The following GALNTL6 variants were observed in gnomAD, a reference collection of about 807,000 sequenced individuals.
The protein encoded by GALNTL6 is polypeptide N-acetylgalactosaminyltransferase like 6.
A neutral mutation model predicts 73.7 loss-of-function variants in GALNTL6; 46 were observed. The ratio of observed to expected loss-of-function variants is 0.62; its 90% CI spans 0.49 to 0.80. The LOEUF is 0.80. Ranked by LOEUF, GALNTL6 falls within the 30% of genes least tolerant of loss-of-function variation. The pLI, the probability that GALNTL6 is intolerant of heterozygous loss-of-function variation, is 0.00. For missense variants in GALNTL6, 604 were observed against 755.0 expected (o/e 0.80, Z 2.34); for synonymous variants, 259 against 263.7 (o/e 0.98, Z 0.17).
At chr4:172,443,383 C>T (rs1731910871) in intron 5 of GALNTL6, among the ~76,000 whole-genome samples, 1 of 151,536 alleles carries the variant, frequency 6.6e-6, no homozygotes, top group African/African-American at 2.4e-5. Context: ...CCAGGCTGGT[C>T]TTGATCTCCT....
chr4:172,109,188 T>C (rs1732779021), intron 2 of GALNTL6, among the ~76,000 whole-genome samples: 1 of 152,212 alleles, frequency 6.6e-6, no homozygotes, highest in Non-Finnish European at 1.5e-5. Flanking sequence ...AGATTTTGTC[T>C]CTTTTAGTTC....
chr4:172,065,685 A>T (rs1248832982), intron 2 of GALNTL6, among the ~76,000 whole-genome samples: 1 of 152,060 alleles, frequency 6.6e-6, no homozygotes, highest in African/African-American at 2.4e-5. Flanking sequence ...GTCCATTCTC[A>T]CGCTGCTATG....
chr4:171,857,759 T>C (rs559708669), intron 2 of GALNTL6, among the ~76,000 whole-genome samples: 2 of 152,326 alleles, frequency 1.3e-5, no homozygotes, highest in Admixed American at 1.3e-4. Flanking sequence ...AATCTAAGGT[T>C]ACAGTAAATT....
intron 10 of GALNTL6, among the ~76,000 whole-genome samples, chr4:173,004,794 C>T (rs1188948564): frequency 6.6e-6 from 1 of 152,166 alleles, no homozygotes; most frequent in Non-Finnish European, 1.5e-5. Flanking sequence ...CCATCAGGTG[C>T]ACAAAGGATA....
rs145769744 is a variant in GALNTL6, at chr4:172,344,363, A to G, written c.387-4160A>G. Reference sequence around the variant, plus strand: ...AATGCCTGAGCTTGGCAGTGATTCAATTTTTCTTTGGAGCAGCTCAAGTGC... The same window carrying G: ...AATGCCTGAGCTTGGCAGTGATTCAGTTTTTCTTTGGAGCAGCTCAAGTGC... On this transcript the variant is annotated intron_variant, in intron 4 of 12. Coordinates refer to ENST00000506823, the MANE Select transcript of GALNTL6 (RefSeq NM_001034845.3). 4.2e-3 allele frequency among the ~76,000 whole-genome samples: 643 copies of G among 152,234 alleles called. 4 individuals carry two copies. Among genetic ancestry groups the G allele is most frequent in the South Asian group, 0.016 (79 of 4,828 alleles).
chr4:172,181,874 C>T (rs1379363475), intron 2 of GALNTL6, among the ~76,000 whole-genome samples: 1 of 151,890 alleles, frequency 6.6e-6, no homozygotes, highest in Non-Finnish European at 1.5e-5. Flanking sequence ...CACCACCACG[C>T]CCGGCTAATT....
chr4:172,280,069 G>T (rs1181798971), intron 3 of GALNTL6, among the ~76,000 whole-genome samples: 1 of 152,140 alleles, frequency 6.6e-6, no homozygotes, highest in Non-Finnish European at 1.5e-5. Flanking sequence ...GTAATTGTCA[G>T]GTACTAGGGG....
At chr4:172,172,267 G>A (rs980814865) in intron 2 of GALNTL6, among the ~76,000 whole-genome samples, 7 of 151,976 alleles carry the variant, frequency 4.6e-5, no homozygotes, top group African/African-American at 9.7e-5. Flanking sequence ...GTGCGATCTC[G>A]GCTCACTGCA....
intron 3 of GALNTL6, among the ~76,000 whole-genome samples, chr4:172,293,937 A>C (rs1025868326): frequency 2.0e-5 from 3 of 151,416 alleles, no homozygotes; most frequent in Admixed American, 2.0e-4. Context: ...CATTTGTGAT[A>C]TCTAAAAGCC....
At chr4:172,206,814 G>GTTTTTTT (rs796625697) in intron 2 of GALNTL6, among the ~76,000 whole-genome samples, 9 of 57,994 alleles carry the variant, frequency 1.6e-4, no homozygotes, top group African/African-American at 4.5e-4. Context: ...TGTTTTTTTT[G>GTTTTTTT]TTTGTTTTTT....
chr4:172,255,919 A>C (rs967697066), intron 3 of GALNTL6, among the ~76,000 whole-genome samples: 1 of 151,506 alleles, frequency 6.6e-6, no homozygotes, highest in African/African-American at 2.4e-5. Flanking sequence ...TCCATTTTTA[A>C]ACTAATATTT....
intron 3 of GALNTL6, among the ~76,000 whole-genome samples, chr4:172,278,504 CCCTCCTGGTCA>C (rs1284514499): frequency 2.0e-4 from 31 of 152,004 alleles, no homozygotes; most frequent in African/African-American, 7.2e-4. Flanking sequence ...ATCCTGGGTC[CCCTCCTGGTCA>C]TCATCCTGGG....
intron 2 of GALNTL6, among the ~76,000 whole-genome samples, chr4:172,160,124 A>C (rs1338259702): frequency 1.3e-5 from 2 of 151,958 alleles, no homozygotes; most frequent in East Asian, 3.9e-4. Context: ...GTGCTGAAAG[A>C]TACATCAATA....
At chr4:172,394,151 A>G (rs1276087649) in intron 5 of GALNTL6, among the ~76,000 whole-genome samples, 1 of 152,104 alleles carries the variant, frequency 6.6e-6, no homozygotes, top group Non-Finnish European at 1.5e-5. Context: ...TATAATTACT[A>G]ATTATAATTA....
intron 5 of GALNTL6, among the ~76,000 whole-genome samples, chr4:172,588,599 T>C (rs748336138): frequency 3.9e-4 from 60 of 152,084 alleles, no homozygotes; most frequent in Admixed American, 4.6e-4. Context: ...AAAGTGGCTA[T>C]TTAATACTCA....
chr4:172,627,375 C>T lies in GALNTL6; in HGVS notation c.554-181986C>T, dbSNP rs539830342. Among the ~76,000 whole-genome samples the T allele has an allele frequency of 5.9e-5, 9 of 152,060 alleles. No individual in the cohort carries two copies. The South Asian group carries it at 8.3e-4, about 14-fold the overall frequency. On this transcript the variant is annotated intron_variant, in intron 5 of 12. Transcript: ENST00000506823. ...ATCTTAGTGAATTAACTTTTTGATG[C>T]GCTGTGGATTCAACTTGCAAGTGTT... is the stretch of plus-strand genomic sequence containing the variant.
chr4:172,260,763 C>T (rs542822132), intron 3 of GALNTL6, among the ~76,000 whole-genome samples: 19 of 151,246 alleles, frequency 1.3e-4, no homozygotes, highest in African/African-American at 4.6e-4. Context: ...CTTTTATTAC[C>T]TTGAGGTATG....
In GALNTL6 at chr4:171,862,048, G is replaced by A. The variant is rs140276157; in HGVS notation, c.138+47330G>A. 5.8e-3 allele frequency among the ~76,000 whole-genome samples: 887 copies of A among 152,254 alleles called. 11 individuals are homozygous for A. The highest frequency in any genetic ancestry group is 0.02 in the African/African-American group (848 of 41,570). ...TACTAAAGTTGAGAAATACTAGGTAGACACGAGGTAAAGAAACTTGTGGAC... is the reference window on the plus strand; with the variant it reads ...TACTAAAGTTGAGAAATACTAGGTAAACACGAGGTAAAGAAACTTGTGGAC... On this transcript the variant is annotated intron_variant, in intron 2 of 12. Transcript: ENST00000506823.
In GALNTL6 at chr4:172,809,512, C is replaced by A; in HGVS notation, c.705C>A (p.Cys235Ter). The change falls in exon 6 of 13, where the codon TGC (cysteine) becomes TGA (stop). Residue 235 changes from cysteine (C) to a stop codon, truncating the protein, a stop_gained. Coordinates refer to ENST00000506823, the MANE Select transcript of GALNTL6 (RefSeq NM_001034845.3). LOFTEE classifies it high-confidence loss of function. This position sits in a 1 kb window ranked among gnomAD's most constrained non-coding sequence, Gnocchi z 4.4. Reference protein sequence around the residue: ...GEVLTFLDSHCEVNVNWLPPL... With the variant: ...GEVLTFLDSH ...TCCTGACATTCCTGGACTCCCACTGCGAGGTCAATGTGAACTGGCTGCCCC... is the reference window on the plus strand; with the variant it reads ...TCCTGACATTCCTGGACTCCCACTGAGAGGTCAATGTGAACTGGCTGCCCC... 1 of 1,613,358 alleles carries A rather than the reference C, an allele frequency of 6.2e-7. No homozygotes were observed. The highest frequency in any genetic ancestry group is 8.5e-7 in the Non-Finnish European group (1 of 1,179,674).
Sources: gnomAD v4.1 joint callset for allele counts (sites outside exome capture counted in the v4.1 genomes callset) on GRCh38, gnomAD v4.1.1 for gene constraint, Gnocchi (gnomAD v3.1) non-coding constraint, MANE v1.5 for transcripts, NCBI Gene and HGNC (gene_info 2026-07-23, HGNC 2026-07-21) for gene names.